The following OXCT1 variants were observed in gnomAD, a reference collection of about 807,000 sequenced individuals.
The protein encoded by OXCT1 is succinyl-CoA:3-ketoacid coenzyme A transferase 1, mitochondrial.
In OXCT1, 27 loss-of-function variants were observed where a neutral mutation model predicts 69.6. The ratio of observed to expected loss-of-function variants is 0.39; its 90% confidence interval spans 0.29 to 0.54. The LOEUF is 0.54. Ranked by LOEUF, OXCT1 falls within the 20% of genes least tolerant of loss-of-function variation. The pLI is 0.72. For missense variants in OXCT1, 437 were observed against 650.2 expected (o/e 0.67, Z 3.57); for synonymous variants, 202 against 217.8 (o/e 0.93, Z 0.64).
At chr5:41,868,876 C>T (rs937852697) in intron 1 of OXCT1, among the ~76,000 whole-genome samples, 1 of 152,174 alleles carries the variant, frequency 6.6e-6, no homozygotes, top group African/African-American at 2.4e-5. Flanking sequence ...ATTTGCATCT[C>T]GTCCCTCTAA....
intron 14 of OXCT1, among the ~76,000 whole-genome samples, chr5:41,752,310 C>T (rs1018951083): frequency 8.5e-5 from 13 of 152,088 alleles, no homozygotes; most frequent in Admixed American, 8.5e-4. Context: ...ATGAAATGTT[C>T]TGAAACTGCA....
chr5:41,867,984 A>C (rs1436344192), intron 1 of OXCT1, among the ~76,000 whole-genome samples: 3 of 152,240 alleles, frequency 2.0e-5, no homozygotes, highest in African/African-American at 7.2e-5. Flanking sequence ...TCCCCAGACC[A>C]GCAGCATCAA....
chr5:41,752,228 T>C (rs1045056733), intron 14 of OXCT1, among the ~76,000 whole-genome samples: 2 of 152,136 alleles, frequency 1.3e-5, no homozygotes, highest in African/African-American at 4.8e-5. Context: ...TTGTGGTCCC[T>C]TAAATTCTTT....
At chr5:41,764,182 G>C (rs781372402) in intron 13 of OXCT1, among the ~76,000 whole-genome samples, 1 of 152,120 alleles carries the variant, frequency 6.6e-6, no homozygotes, top group Non-Finnish European at 1.5e-5. Flanking sequence ...GTTTCCAAGA[G>C]TGAAAAATGC....
chr5:41,786,735 T>C (rs1040524089), intron 13 of OXCT1, among the ~76,000 whole-genome samples: 2 of 152,224 alleles, frequency 1.3e-5, no homozygotes, highest in African/African-American at 4.8e-5. Flanking sequence ...CTGTATTTTA[T>C]TCTATCCCAC....
intron 3 of OXCT1, among the ~76,000 whole-genome samples, chr5:41,860,307 G>GTAATATACATATATATCA: frequency 6.6e-6 from 1 of 152,160 alleles, no homozygotes; most frequent in East Asian, 1.9e-4. Flanking sequence ...GATTGGTAAT[G>GTAATATACATATATATCA]TAATATACAT....
At chr5:41,828,305 G>C (rs552747911) in intron 7 of OXCT1, among the ~76,000 whole-genome samples, 28 of 151,050 alleles carry the variant, frequency 1.9e-4, no homozygotes, top group Non-Finnish European at 1.6e-4. Flanking sequence ...TAGTAGAGAT[G>C]GGGTTTCACC....
chr5:41,814,001 T>A (rs1452850626), intron 7 of OXCT1, among the ~76,000 whole-genome samples: 1 of 152,122 alleles, frequency 6.6e-6, no homozygotes, highest in Non-Finnish European at 1.5e-5. Context: ...GTCATTATAG[T>A]ATCAATTTTT....
intron 13 of OXCT1, among the ~76,000 whole-genome samples, chr5:41,791,105 A>G (rs1745894745): frequency 1.3e-5 from 2 of 152,232 alleles, no homozygotes; most frequent in African/African-American, 4.8e-5. Context: ...GGTAGGGCTG[A>G]AATTAAAACC....
intron 9 of OXCT1, among the ~76,000 whole-genome samples, chr5:41,803,667 T>C (rs1746528954): frequency 1.3e-5 from 2 of 152,070 alleles, no homozygotes; most frequent in Non-Finnish European, 2.9e-5. Context: ...TGGGTCTCTA[T>C]AGTAACATTC....
At chr5:41,790,709 A>G (rs1745874550) in intron 13 of OXCT1, among the ~76,000 whole-genome samples, 1 of 152,194 alleles carries the variant, frequency 6.6e-6, no homozygotes, top group African/African-American at 2.4e-5. Flanking sequence ...CAGCTTCTTG[A>G]CTGCCAGATC....
intron 6 of OXCT1, 117 bp from the exon 7 acceptor site, chr5:41,840,628 C>A (rs1267712036): frequency 1.5e-6 from 1 of 655,150 alleles, no homozygotes; most frequent in Non-Finnish European, 2.7e-6. Flanking sequence ...AAGAATCTTT[C>A]CAAAAAGAGT....
intron 13 of OXCT1, among the ~76,000 whole-genome samples, chr5:41,787,426 G>A (rs1423107108): frequency 6.6e-6 from 1 of 151,984 alleles, no homozygotes; most frequent in African/African-American, 2.4e-5. Flanking sequence ...AGTACAGGAA[G>A]TCAAACTCAG....
chr5:41,800,830 C>T (rs1746386701), intron 11 of OXCT1, among the ~76,000 whole-genome samples, 192 bp downstream of exon 11: 1 of 152,048 alleles, frequency 6.6e-6, no homozygotes, highest in South Asian at 2.1e-4. Context: ...ATTAAATGTG[C>T]CTTCATCTGC....
intron 14 of OXCT1, among the ~76,000 whole-genome samples, chr5:41,753,446 C>G (rs187029796): frequency 6.6e-6 from 1 of 152,080 alleles, no homozygotes; most frequent in Non-Finnish European, 1.5e-5. Flanking sequence ...AAAGACCAAG[C>G]CTTTCAGCTT....
chr5:41,755,858 C>T (rs1476388376), intron 14 of OXCT1, among the ~76,000 whole-genome samples: 1 of 152,036 alleles, frequency 6.6e-6, no homozygotes, highest in East Asian at 1.9e-4. Context: ...CATAAAGGTA[C>T]ATACATAAAT....
chr5:41,854,082 G>A (rs1749316319), intron 3 of OXCT1, among the ~76,000 whole-genome samples: 1 of 152,084 alleles, frequency 6.6e-6, no homozygotes, highest in African/African-American at 2.4e-5. Flanking sequence ...CATGCTCATT[G>A]AAATGTGGAC....
At chr5:41,859,878 T>TATATATTATATATATATATAC in intron 3 of OXCT1, among the ~76,000 whole-genome samples, 1 of 120,448 alleles carries the variant, frequency 8.3e-6, no homozygotes, top group Admixed American at 8.4e-5. Context: ...TATATATATA[T>TATATATTATATATATATATAC]ATATATATGT....
At chr5:41,777,170 C>A (rs965427330) in intron 13 of OXCT1, among the ~76,000 whole-genome samples, 12 of 152,150 alleles carry the variant, frequency 7.9e-5, no homozygotes, top group Non-Finnish European at 1.6e-4. Context: ...GTAATCCCAG[C>A]ACTTTGGGAG....
Sources: allele counts gnomAD v4.1 joint callset (sites outside exome capture counted in the v4.1 genomes callset), GRCh38; gene constraint gnomAD v4.1.1; transcripts MANE v1.5; gene names NCBI Gene and HGNC (gene_info 2026-07-23, HGNC 2026-07-21).